PCLO: variants seen among roughly 807,000 people sequenced by gnomAD.
PCLO encodes the protein piccolo presynaptic cytomatrix protein.
In PCLO, 82 loss-of-function variants were observed where a neutral mutation model predicts 427.5. The ratio of observed to expected loss-of-function variants is 0.19; its 90% CI spans 0.16 to 0.23. The LOEUF (loss-of-function observed/expected upper bound fraction) is 0.23, where lower values mean the gene tolerates loss of function less well. Ranked by LOEUF, PCLO falls within the 10% of genes least tolerant of loss-of-function variation. PCLO has a pLI of 1.00. For missense variants in PCLO, 6,239 were observed against 6,115.9 expected (o/e 1.02, Z -0.67); for synonymous variants, 2,357 against 2,155.4 (o/e 1.09, Z -2.59).
intron 22 of PCLO, among the ~76,000 whole-genome samples, chr7:82,773,888 A>T (rs1480597735): frequency 6.6e-6 from 1 of 152,120 alleles, no homozygotes; most frequent in African/African-American, 2.4e-5. Flanking sequence ...AAGAGGAGAG[A>T]GCCCAGGGTA....
At chr7:82,899,327 AG>A (rs1289097231) in intron 9 of PCLO, among the ~76,000 whole-genome samples, 1 of 151,512 alleles carries the variant, frequency 6.6e-6, no homozygotes, top group African/African-American at 2.4e-5. Flanking sequence ...ATTCTTTGCC[AG>A]GAAATATTCA....
At chr7:82,865,761 A>T (rs1357550461) in intron 10 of PCLO, among the ~76,000 whole-genome samples, 1 of 152,180 alleles carries the variant, frequency 6.6e-6, no homozygotes, top group Non-Finnish European at 1.5e-5. Context: ...TTGTGTTGAT[A>T]CATATGTATA....
At chr7:83,050,669 T>A (rs907214360) in intron 3 of PCLO, among the ~76,000 whole-genome samples, 2 of 151,388 alleles carry the variant, frequency 1.3e-5, no homozygotes, top group African/African-American at 4.9e-5. Flanking sequence ...CTTGGGAGGC[T>A]GAGGTGGGTG....
intron 9 of PCLO, among the ~76,000 whole-genome samples, chr7:82,888,967 C>T (rs1224746401): frequency 6.6e-6 from 1 of 150,406 alleles, no homozygotes; most frequent in East Asian, 2.0e-4. Context: ...CCCACCCCCG[C>T]CAACTCTGCT....
intron 22 of PCLO, among the ~76,000 whole-genome samples, chr7:82,783,043 G>A (rs1332885395): frequency 6.6e-6 from 1 of 152,188 alleles, no homozygotes; most frequent in Admixed American, 6.5e-5. Context: ...TGGGTCAAGA[G>A]TGTAAAACTA....
At chr7:83,067,970 CTGT>C (rs1196193155) in intron 3 of PCLO, among the ~76,000 whole-genome samples, 8 of 25,242 alleles carry the variant, frequency 3.2e-4, no homozygotes, top group Admixed American at 2.1e-3. Context: ...TTTGTTGTTG[CTGT>C]TGTTGTTTTA....
At chr7:82,801,650 G>T in intron 21 of PCLO, 59 bp from the exon 22 acceptor site, 1 of 981,708 alleles carries the variant, frequency 1.0e-6, no homozygotes, top group Non-Finnish European at 1.6e-6. Flanking sequence ...TGCAAAAGAG[G>T]CTAAATTTGC....
chr7:82,961,293 G>A (rs1795650894), intron 4 of PCLO, among the ~76,000 whole-genome samples: 1 of 152,188 alleles, frequency 6.6e-6, no homozygotes, highest in Non-Finnish European at 1.5e-5. Context: ...TTCTGACACA[G>A]TTGATGTGAA....
intron 22 of PCLO, among the ~76,000 whole-genome samples, chr7:82,798,997 T>C (rs1238305771): frequency 2.0e-5 from 3 of 152,174 alleles, no homozygotes; most frequent in African/African-American, 4.8e-5. Flanking sequence ...TCGCCTCTGA[T>C]TGGCTCCTTC....
intron 22 of PCLO, among the ~76,000 whole-genome samples, chr7:82,772,101 T>C (rs369956163): frequency 2.0e-5 from 3 of 152,240 alleles, no homozygotes. Flanking sequence ...TTGTAGCCCA[T>C]AGAAAAGTCA....
chr7:83,140,356 T>A (rs1791830908), intron 2 of PCLO, among the ~76,000 whole-genome samples: 1 of 152,280 alleles, frequency 6.6e-6, no homozygotes, highest in South Asian at 2.1e-4. Flanking sequence ...AATGCCTTTA[T>A]CTATGAAATA....
chr7:82,920,553 G>A (rs751437026), intron 6 of PCLO, among the ~76,000 whole-genome samples: 1 of 151,774 alleles, frequency 6.6e-6, no homozygotes, highest in Non-Finnish European at 1.5e-5. Flanking sequence ...ATCACTAACT[G>A]CAAATTGCAA....
At chr7:82,856,641 C>A (rs545384129) in intron 10 of PCLO, among the ~76,000 whole-genome samples, 107 of 152,266 alleles carry the variant, frequency 7.0e-4, no homozygotes, top group African/African-American at 2.5e-3. Context: ...GTAATGTCAT[C>A]ATCTCACTTG....
chr7:83,050,161 C>A (rs12154348), intron 3 of PCLO, among the ~76,000 whole-genome samples: 2,981 of 112,058 alleles, frequency 0.027, 67 homozygotes, highest in Non-Finnish European at 0.038. Context: ...TTCTAGGGTA[C>A]ATTCTTTGAC....
rs767020612 is a variant in PCLO at position 82,916,169 on chromosome 7, T to C, written c.11817A>G (p.Gln3939=). The C allele has an allele frequency of 1.2e-6, 2 of 1,613,610 alleles. No individual in the cohort carries two copies. Among genetic ancestry groups the C allele is most frequent in the East Asian group, 4.5e-5 (2 of 44,858 alleles). Residue 3939 remains glutamine (Q), a synonymous_variant, in exon 7 of 25, where the codon CAA becomes CAG. Transcript: ENST00000333891. ...QAVATMSFTP[Q]VQPTPTPQPS... Reference sequence around the variant, plus strand: ...GCTGTGGGGTTGGTGTAGGTTGAACTTGAGGTGTGAAGGACATTGTTGCCA... The same window carrying C: ...GCTGTGGGGTTGGTGTAGGTTGAACCTGAGGTGTGAAGGACATTGTTGCCA...
At position 82,952,640 on chromosome 7, in the gene PCLO, G is replaced by C; in HGVS notation, c.8313C>G (p.Val2771=). 6.2e-7 allele frequency: 1 copy of C among 1,613,900 alleles called. No individual in the cohort carries two copies. The highest frequency in any genetic ancestry group is 8.5e-7 in the Non-Finnish European group (1 of 1,179,802). Residue 2771 remains valine, a synonymous_variant, in exon 5 of 25, where the codon GTC becomes GTG. Coordinates refer to ENST00000333891, the MANE Select transcript of PCLO (RefSeq NM_033026.6). ...NEVYGKQISA[V]QPSIINLSVT... is the part of the protein sequence containing the mutation. ...CACTAAGATTTATAATAGAGGGTTG[G>C]ACAGCACTAATTTGTTTCCCATAAA...
At chr7:82,770,629 T>C (rs771525058) in intron 22 of PCLO, among the ~76,000 whole-genome samples, 25 of 151,950 alleles carry the variant, frequency 1.6e-4, no homozygotes, top group Non-Finnish European at 3.7e-4. Flanking sequence ...TTCACTAATC[T>C]TTTTCTATAA....
At position 83,154,996 on chromosome 7, in the gene PCLO, G is replaced by A. The variant is rs1792232229; in HGVS notation, c.1645C>T (p.Pro549Ser). Residue 549 changes from proline to serine, a missense_variant, in exon 2 of 25, where the codon CCC becomes TCC. Physicochemically the swap from Pro to Ser is moderately conservative, Grantham distance 74. This residue lies in a region of PCLO where 4,677 missense variants were observed against 4,468.4 expected (regional missense o/e 1.05). Coordinates refer to ENST00000333891, the MANE Select transcript of PCLO (RefSeq NM_033026.6). The stretch of plus-strand genomic sequence containing the variant: ...GGTTTTGTAGATTGCTGAGCCGAGG[G>A]CTTTGCTGGGCTAGGCTGTTGAGCT... Reference protein sequence around the residue: ...PSAQQPSPAKPSAQQSTKPVS... With the variant: ...PSAQQPSPAKSSAQQSTKPVS... 1.2e-6 allele frequency: 2 copies of A among 1,614,012 alleles called. No individual in the cohort carries two copies. The highest frequency in any genetic ancestry group is 4.5e-5 in the East Asian group (2 of 44,876).
In PCLO at chr7:82,754,308, G is replaced by A. The variant is rs1338701956; in HGVS notation, c.*4267C>T. 6.6e-6 allele frequency: 1 copy of A among 152,060 alleles called. No individual in the cohort carries two copies. The highest frequency in any genetic ancestry group is 1.5e-5 in the Non-Finnish European group (1 of 67,964). The allele number at this position is 152,060 out of a possible 1,614,324, so 9.4% of individuals were successfully genotyped here. ...CATTAGCAAATCACCAACATGGCAT[G>A]CAACATATAGTTAGAAACAAGACAT... On this transcript the variant is annotated 3_prime_UTR_variant, in exon 25 of 25. Coordinates refer to ENST00000333891, the MANE Select transcript of PCLO (RefSeq NM_033026.6).
Sources: gnomAD v4.1 joint callset for allele counts (sites outside exome capture counted in the v4.1 genomes callset) on GRCh38, gnomAD v4.1.1 for gene constraint, gnomAD v4.1.1 regional missense constraint, MANE v1.5 for transcripts, NCBI Gene and HGNC (gene_info 2026-07-23, HGNC 2026-07-21) for gene names.